The following PITPNM3 variants were observed in gnomAD, a reference collection of about 807,000 sequenced individuals.
PITPNM3 encodes membrane-associated phosphatidylinositol transfer protein 3.
Under a neutral mutation model 102.0 loss-of-function variants are expected in PITPNM3, and 26 were observed. The ratio of observed to expected loss-of-function variants is 0.25; its 90% CI spans 0.19 to 0.35. The LOEUF (loss-of-function observed/expected upper bound fraction) is 0.35. PITPNM3 is among the 10% of genes least tolerant of loss of function. The pLI is 1.00. For synonymous variants in PITPNM3, 578 were observed against 558.6 expected (o/e 1.03, Z -0.49); for missense variants, 1,083 against 1,346.1 (o/e 0.80, Z 3.06).
At chr17:6,502,351 G>C (rs1375108462) in intron 4 of PITPNM3, among the ~76,000 whole-genome samples, 1 of 152,192 alleles carries the variant, frequency 6.6e-6, no homozygotes, top group Non-Finnish European at 1.5e-5. Context: ...CACTCAGGAG[G>C]CTGAGGCGGG....
intron 4 of PITPNM3, among the ~76,000 whole-genome samples, chr17:6,486,685 G>A (rs951968880): frequency 3.3e-5 from 5 of 152,186 alleles, no homozygotes; most frequent in Admixed American, 2.0e-4. Flanking sequence ...AGGCTCTCCT[G>A]CCTAATTTCT....
chr17:6,551,361 CA>C (rs111999207), intron 1 of PITPNM3, among the ~76,000 whole-genome samples: 113 of 137,500 alleles, frequency 8.2e-4, no homozygotes, highest in Middle Eastern at 3.8e-3. Context: ...GACTCCATCT[CA>C]AAAAAAAAAA....
chr17:6,491,101 G>GGAGGGGAGGGGAGGT, intron 4 of PITPNM3, among the ~76,000 whole-genome samples: 1 of 93,736 alleles, frequency 1.1e-5, no homozygotes, highest in African/African-American at 4.6e-5. Flanking sequence ...GGAAGGGAGG[G>GGAGGGGAGGGGAGGT]GAGGGGAGGG....
chr17:6,535,963 C>T (rs1380684693), intron 2 of PITPNM3, among the ~76,000 whole-genome samples: 3 of 151,270 alleles, frequency 2.0e-5, no homozygotes, highest in Non-Finnish European at 2.9e-5. Flanking sequence ...ACTTGGGAGG[C>T]TGAGGCAGGA....
intron 9 of PITPNM3, among the ~76,000 whole-genome samples, chr17:6,475,876 C>A (rs561674043): frequency 2.6e-5 from 4 of 152,152 alleles, no homozygotes; most frequent in Non-Finnish European, 2.9e-5. Context: ...CATCTGTCAG[C>A]GGGGCTTTAA....
Position 6,470,551 on chromosome 17 carries a change from G to T in PITPNM3, c.1625-143C>A. ...GGCGGGAGCACCCTGGCCTGGAGGA[G>T]GCCTGGGGAACGCGCTGCTCTTCCT... On this transcript the variant is annotated intron_variant, in intron 12 of 19. Transcript: ENST00000262483. The surrounding 1 kb of genome is among the most constrained non-coding windows in gnomAD (Gnocchi z 4.8). The T allele has an allele frequency of 9.2e-7, 1 of 1,087,572 alleles. No homozygotes were observed. Among genetic ancestry groups the T allele is most frequent in the Non-Finnish European group, 1.4e-6 (1 of 727,814 alleles). 67.4% of individuals were successfully genotyped at this position (1,087,572 alleles called of 1,614,324 possible).
chr17:6,479,242 C>T (rs1905515344), intron 6 of PITPNM3: 1 of 163,910 alleles, frequency 6.1e-6, no homozygotes, highest in African/African-American at 2.4e-5. Context: ...CACATAGCTG[C>T]AGACATGATG....
intron 10 of PITPNM3, among the ~76,000 whole-genome samples, chr17:6,473,906 G>T (rs1905174767): frequency 6.6e-6 from 1 of 150,858 alleles, no homozygotes. Context: ...TAACCCGGGA[G>T]GCAGAGGTTG....
chr17:6,522,373 A>C lies in PITPNM3; in HGVS notation c.226+2983T>G, dbSNP rs76188428. On this transcript the variant is annotated intron_variant, in intron 3 of 19. Coordinates refer to ENST00000262483, the MANE Select transcript of PITPNM3 (RefSeq NM_031220.4). ...TGAGAGCAGTCTGAAAGTGCTGATG[A>C]AATATATGACTTAAATGGTTAGGGA... is the stretch of plus-strand genomic sequence containing the variant. Among the ~76,000 whole-genome samples the C allele has an allele frequency of 3.2e-3, 491 of 152,288 alleles. 3 individuals carry two copies. Among genetic ancestry groups the C allele is most frequent in the African/African-American group, 0.011 (462 of 41,540 alleles).
At chr17:6,518,507 G>C (rs1908313824) in intron 3 of PITPNM3, among the ~76,000 whole-genome samples, 1 of 150,866 alleles carries the variant, frequency 6.6e-6, no homozygotes, top group African/African-American at 2.4e-5. Context: ...AACAGTGCGT[G>C]TGTCATTTAA....
chr17:6,515,870 AAAAC>A (rs1172815921), intron 3 of PITPNM3, among the ~76,000 whole-genome samples: 15 of 152,238 alleles, frequency 9.9e-5, no homozygotes, highest in East Asian at 1.9e-4. Context: ...ATGATTTTAA[AAAAC>A]AAACAAACAA....
chr17:6,465,015 C>A (rs1038976945), intron 14 of PITPNM3, among the ~76,000 whole-genome samples: 1 of 152,130 alleles, frequency 6.6e-6, no homozygotes, highest in Admixed American at 6.5e-5. Context: ...TTTCTGCTTT[C>A]GTGTTTTTTG....
At chr17:6,551,607 G>A (rs1446981352) in intron 1 of PITPNM3, among the ~76,000 whole-genome samples, 3 of 152,088 alleles carry the variant, frequency 2.0e-5, no homozygotes, top group Non-Finnish European at 4.4e-5. Flanking sequence ...AGGTATGATG[G>A]CTCATGCCTG....
intron 4 of PITPNM3, among the ~76,000 whole-genome samples, chr17:6,502,485 C>G (rs1039038535): frequency 7.2e-5 from 11 of 152,098 alleles, no homozygotes; most frequent in African/African-American, 2.4e-4. Flanking sequence ...GATTCTCTGG[C>G]AGGGGATGCC....
rs905811129 is a variant in PITPNM3, at chr17:6,517,476, A to G, written c.226+7880T>C. On this transcript the variant is annotated intron_variant, in intron 3 of 19. Coordinates refer to ENST00000262483, the MANE Select transcript of PITPNM3 (RefSeq NM_031220.4). The surrounding 1 kb of genome is among the most constrained non-coding windows in gnomAD (Gnocchi z 4.1). ...TAGGAAGAGAAGGAAGAAAAAAGGTACAAACATCCTTCCCTGTTCAGGGAT... is the reference window on the plus strand; with the variant it reads ...TAGGAAGAGAAGGAAGAAAAAAGGTGCAAACATCCTTCCCTGTTCAGGGAT... 6.6e-6 allele frequency among the ~76,000 whole-genome samples: 1 copy of G among 152,280 alleles called. No homozygotes were observed. The highest frequency in any genetic ancestry group is 1.5e-5 in the Non-Finnish European group (1 of 68,050).
intron 1 of PITPNM3, among the ~76,000 whole-genome samples, chr17:6,545,116 T>C (rs773701716): frequency 4.6e-5 from 7 of 152,120 alleles, no homozygotes; most frequent in Non-Finnish European, 8.8e-5. Context: ...CAATTCGTGA[T>C]CTTACTAAAT....
intron 2 of PITPNM3, among the ~76,000 whole-genome samples, chr17:6,536,468 T>C (rs985150982): frequency 1.3e-5 from 2 of 152,186 alleles, no homozygotes; most frequent in Non-Finnish European, 2.9e-5. Flanking sequence ...GCCACTCTAA[T>C]TAGACGCCCA....
chr17:6,469,185 T>A lies in PITPNM3; in HGVS notation c.1774-844A>T, dbSNP rs1904935124. ...TCTGGCACTCATCGCCAGTTGTAAA[T>A]GCCGTCCAAGCTCTGATGACACCCA... On this transcript the variant is annotated intron_variant, in intron 13 of 19. Transcript: ENST00000262483. The surrounding 1 kb of genome is among the most constrained non-coding windows in gnomAD (Gnocchi z 4.0). Among the ~76,000 whole-genome samples, 1 of 152,186 alleles carries A rather than the reference T, an allele frequency of 6.6e-6. No individual in the cohort carries two copies. The highest frequency in any genetic ancestry group is 2.1e-4 in the South Asian group (1 of 4,836).
In PITPNM3 at chr17:6,552,762, C is replaced by CTTTTTTTT. The variant is rs34225911; in HGVS notation, c.22+3615_22+3622dup. Among the ~76,000 whole-genome samples the CTTTTTTTT allele has an allele frequency of 1.0e-4, 9 of 89,014 alleles. 1 individual carries two copies. The highest frequency in any genetic ancestry group is 9.5e-4 in the East Asian group (3 of 3,170). The allele number at this position is 89,014 out of a possible 152,430, so 58.4% of individuals were successfully genotyped here. A position where few individuals can be genotyped will look rare whatever the true frequency, so the allele number is the denominator to read the frequency against. ...CCGGCCCCTGGCCACCTTTCTTTTT[C>CTTTTTTTT]TTTTTTTTTTTTTTTTTTTTTTGAG... On this transcript the variant is annotated intron_variant, in intron 1 of 19. Coordinates refer to ENST00000262483, the MANE Select transcript of PITPNM3 (RefSeq NM_031220.4).
Sources: allele counts gnomAD v4.1 joint callset (sites outside exome capture counted in the v4.1 genomes callset), GRCh38; gene constraint gnomAD v4.1.1; non-coding constraint Gnocchi (gnomAD v3.1); transcripts MANE v1.5; gene names NCBI Gene and HGNC (gene_info 2026-07-23, HGNC 2026-07-21).